The following CD300LB variants were observed in gnomAD, a reference collection of about 807,000 sequenced individuals.
CD300LB encodes CMRF35-like molecule 7.
CD300LB carries 18 observed loss-of-function variants against 20.8 expected under a neutral mutation model. That is an observed-to-expected ratio of 0.87 (90% CI 0.60 to 1.28). The LOEUF (loss-of-function observed/expected upper bound fraction) is 1.28. Ranked by LOEUF, CD300LB falls within the 50% of genes most tolerant of loss-of-function variation. The pLI is 0.00. For missense variants in CD300LB, 222 were observed against 251.8 expected (o/e 0.88, Z 0.80); for synonymous variants, 91 against 91.3 (o/e 1.00, Z 0.02).
rs572423985 is a variant in CD300LB at position 74,521,925 on chromosome 17, C to A, written c.*813G>T. The A allele has an allele frequency of 6.1e-6, 6 of 985,452 alleles. No individual in the cohort carries two copies. Among genetic ancestry groups the A allele is most frequent in the African/African-American group, 1.7e-5 (1 of 57,366 alleles). The allele number at this position is 985,452 out of a possible 1,614,324, so 61.0% of individuals were successfully genotyped here. On this transcript the variant is annotated 3_prime_UTR_variant, in exon 4 of 4. Coordinates refer to ENST00000392621, the MANE Select transcript of CD300LB (RefSeq NM_174892.4). Reference sequence around the variant, plus strand: ...CGAAAAGGGAGGGTGCCATTTCCTGCGATGGTTTTCGTTACTGCCCTCCCC... The same window carrying A: ...CGAAAAGGGAGGGTGCCATTTCCTGAGATGGTTTTCGTTACTGCCCTCCCC...
At position 74,525,967 on chromosome 17, in the gene CD300LB, G is replaced by A. The variant is rs139180365; in HGVS notation, c.151C>T (p.Arg51Ter). Residue 51 changes from arginine to a stop codon, truncating the protein, a stop_gained, in exon 2 of 4, where the codon CGA (arginine) becomes TGA (stop). Transcript: ENST00000392621. LOFTEE classifies it high-confidence loss of function. ...TTGCATGTATCCCAGCGCACCCCTC[G>A]GCACCACCACTTAATGTAGGTCTCC... ...GWETYIKWWC[R>*]GVRWDTCKIL... 2.4e-4 allele frequency: 383 copies of A among 1,613,890 alleles called. No individual in the cohort carries two copies. Among genetic ancestry groups the A allele is most frequent in the Non-Finnish European group, 3.0e-4 (356 of 1,180,012 alleles).
Position 74,522,989 on chromosome 17 carries a change from C to A in CD300LB, c.444-89G>T, listed in dbSNP as rs1168794855. ...TGACCCTGTGAGCCACCAGCCAAAG[C>A]CTGTGACCCTGGGCCGGGCAGCCCC... On this transcript the variant is annotated intron_variant, in intron 3 of 3. Coordinates refer to ENST00000392621, the MANE Select transcript of CD300LB (RefSeq NM_174892.4). 6 of 1,308,106 alleles carry A rather than the reference C, an allele frequency of 4.6e-6. No homozygotes were observed. In the African/African-American group the frequency reaches 8.9e-5, roughly 19 times the overall value. The allele number at this position is 1,308,106 out of a possible 1,614,324, so 81.0% of individuals were successfully genotyped here. A position where few individuals can be genotyped will look rare whatever the true frequency, so the allele number is the denominator to read the frequency against.
rs377765057 is a variant in CD300LB at position 74,531,269 on chromosome 17, G to T, written c.40+42C>A. ...ACAAATGCCCTCTGCCTCCTGCCCT[G>T]CCCCTGTCATACCAAGCGCCCAAGG... is the stretch of plus-strand genomic sequence containing the variant. On this transcript the variant is annotated intron_variant, in intron 1 of 3. Transcript: ENST00000392621. The T allele has an allele frequency of 5.0e-5, 75 of 1,504,292 alleles. 1 individual carries two copies. In the East Asian group the frequency reaches 1.2e-3, roughly 25 times the overall value. 93.2% of individuals were successfully genotyped at this position (1,504,292 alleles called of 1,614,324 possible). A position where few individuals can be genotyped will look rare whatever the true frequency, so the allele number is the denominator to read the frequency against.
At position 74,522,907 on chromosome 17, in the gene CD300LB, A is replaced by G; in HGVS notation, c.444-7T>C. On this transcript the variant is annotated splice_polypyrimidine_tract_variant and splice_region_variant and intron_variant, in intron 3 of 3. Coordinates refer to ENST00000392621, the MANE Select transcript of CD300LB (RefSeq NM_174892.4). ...CAGGAGCATGTAGTGGTTCCTGGGG[A>G]AGGGGATGCAGTGGTCAGAGCCCTG... 1 of 1,612,786 alleles carries G rather than the reference A, an allele frequency of 6.2e-7. No individual in the cohort carries two copies. The highest frequency in any genetic ancestry group is 1.1e-5 in the South Asian group (1 of 90,998).
In CD300LB at chr17:74,522,624, C is replaced by T. The variant is rs912695784; in HGVS notation, c.*114G>A. 2.0e-6 allele frequency: 3 copies of T among 1,533,284 alleles called. No individual in the cohort carries two copies. Among genetic ancestry groups the T allele is most frequent in the Non-Finnish European group, 2.6e-6 (3 of 1,142,044 alleles). The allele number at this position is 1,533,284 out of a possible 1,614,324, so 95.0% of individuals were successfully genotyped here. A position where few individuals can be genotyped will look rare whatever the true frequency, so the allele number is the denominator to read the frequency against. On this transcript the variant is annotated 3_prime_UTR_variant, in exon 4 of 4. Coordinates refer to ENST00000392621, the MANE Select transcript of CD300LB (RefSeq NM_174892.4). ...ACCAGCTCCAAGGCCAGGGCGGAGG[C>T]CCAGGGCCCCTATCTCAGTCACTGC...
In CD300LB at chr17:74,521,626, A is replaced by T; in HGVS notation, c.*1112T>A. The T allele has an allele frequency of 1.0e-6, 1 of 985,436 alleles. No homozygotes were observed. The highest frequency in any genetic ancestry group is 1.7e-5 in the African/African-American group (1 of 57,352). The allele number at this position is 985,436 out of a possible 1,614,324, so 61.0% of individuals were successfully genotyped here. ...CCCCTCTCCTTTATCCACTGCTGAC[A>T]GTCAGTACTCCCTATTAGAACCAAG... On this transcript the variant is annotated 3_prime_UTR_variant, in exon 4 of 4. Transcript: ENST00000392621.
chr17:74,526,198 G>A lies in CD300LB; in HGVS notation c.41-121C>T, dbSNP rs1567999654. ...CTGGAAAACAAAATCCCAAGATACA[G>A]CTCCTGTTGCCTGAGCCAGTTTGGT... On this transcript the variant is annotated intron_variant, in intron 1 of 3. Transcript: ENST00000392621. 38 of 1,384,428 alleles carry A rather than the reference G, an allele frequency of 2.7e-5. 1 individual carries two copies. The highest frequency in any genetic ancestry group is 3.7e-5 in the Non-Finnish European group (37 of 1,013,018). The allele number at this position is 1,384,428 out of a possible 1,614,324, so 85.8% of individuals were successfully genotyped here.
intron 1 of CD300LB, among the ~76,000 whole-genome samples, chr17:74,530,896 T>C (rs1908191101): frequency 6.6e-6 from 1 of 152,032 alleles, no homozygotes; most frequent in South Asian, 2.1e-4. Flanking sequence ...ATTGAATACC[T>C]GAGCTCAAAG....
intron 2 of CD300LB, among the ~76,000 whole-genome samples, chr17:74,524,999 C>T (rs752911614): frequency 5.9e-5 from 9 of 152,314 alleles, no homozygotes; most frequent in South Asian, 2.1e-4. Flanking sequence ...CTAAAGCCGG[C>T]ATTGTCTATT....
Position 74,531,316 on chromosome 17 carries a change from A to G in CD300LB, c.35T>C (p.Leu12Pro). 1 of 1,587,724 alleles carries G rather than the reference A, an allele frequency of 6.3e-7. No individual in the cohort carries two copies. The highest frequency in any genetic ancestry group is 8.6e-7 in the Non-Finnish European group (1 of 1,167,152). Residue 12 changes from leucine (L) to proline (P), a missense_variant, in exon 1 of 4, where the codon CTC (leucine) becomes CCC (proline). Coordinates refer to ENST00000392621, the MANE Select transcript of CD300LB (RefSeq NM_174892.4). ...WLPPALLLLS[L>P]SGCFSIQGPE... ...AAGGCCCCAGCCCCACTCACCTGAG[A>G]GGCTGAGAAGGAGCAGAGCAGGGGG...
chr17:74,523,576 C>T lies in CD300LB; in HGVS notation c.443+3G>A. 1.9e-6 allele frequency: 3 copies of T among 1,605,508 alleles called. No homozygotes were observed. The highest frequency in any genetic ancestry group is 2.6e-6 in the Non-Finnish European group (3 of 1,172,122). On this transcript the variant is annotated splice_donor_region_variant and intron_variant, in intron 3 of 3. Coordinates refer to ENST00000392621, the MANE Select transcript of CD300LB (RefSeq NM_174892.4). ...GGGCAGGAGAAAGAACCACATGACT[C>T]ACCTCTTGTGGGAGCCGATGAACAC...
Position 74,526,020 on chromosome 17 carries a change from G to A in CD300LB, c.98C>T (p.Thr33Met), listed in dbSNP as rs147451231. 493 of 1,614,140 alleles carry A rather than the reference G, an allele frequency of 3.1e-4. 1 individual carries two copies. The highest frequency in any genetic ancestry group is 1.3e-3 in the South Asian group (119 of 91,072). The change falls in exon 2 of 4, where the codon ACG becomes ATG. Residue 33 changes from threonine (T) to methionine (M), a missense_variant. Coordinates refer to ENST00000392621, the MANE Select transcript of CD300LB (RefSeq NM_174892.4). ...SVRAPEQGSL[T>M]VQCHYKQGWE... is the part of the protein sequence containing the mutation. ...TCCTTGCTTATAGTGGCATTGAACC[G>A]TCAGGGACCCCTGCTCTGGGGCTCT...
At position 74,522,525 on chromosome 17, in the gene CD300LB, C is replaced by A. The variant is rs1907912463; in HGVS notation, c.*213G>T. 1.5e-6 allele frequency: 2 copies of A among 1,340,548 alleles called. No individual in the cohort carries two copies. Among genetic ancestry groups the A allele is most frequent in the Non-Finnish European group, 1.9e-6 (2 of 1,041,888 alleles). The allele number at this position is 1,340,548 out of a possible 1,614,324, so 83.0% of individuals were successfully genotyped here. A position where few individuals can be genotyped will look rare whatever the true frequency, so the allele number is the denominator to read the frequency against. ...TCCTGACCAAGAGAACAGGTGCTGG[C>A]ACCCCAGGAGGTGATGGTGGCTCAG... On this transcript the variant is annotated 3_prime_UTR_variant, in exon 4 of 4. Transcript: ENST00000392621.
At chr17:74,525,688 G>A in intron 2 of CD300LB, 60 bp downstream of exon 2, 1 of 1,449,458 alleles carries the variant, frequency 6.9e-7, no homozygotes, top group African/African-American at 1.4e-5. Flanking sequence ...GCAGGTAAGA[G>A]CACTGACTTT....
At chr17:74,529,716 G>T (rs1205141670) in intron 1 of CD300LB, among the ~76,000 whole-genome samples, 1 of 152,074 alleles carries the variant, frequency 6.6e-6, no homozygotes, top group Non-Finnish European at 1.5e-5. Flanking sequence ...CTCGAACCTG[G>T]GAGGCGGAGG....
chr17:74,522,237 C>T lies in CD300LB; in HGVS notation c.*501G>A, dbSNP rs1026754089. 2.9e-5 allele frequency: 29 copies of T among 986,244 alleles called. No homozygotes were observed. The highest frequency in any genetic ancestry group is 3.4e-5 in the Non-Finnish European group (28 of 830,482). 61.1% of individuals were successfully genotyped at this position (986,244 alleles called of 1,614,324 possible). A position where few individuals can be genotyped will look rare whatever the true frequency, so the allele number is the denominator to read the frequency against. On this transcript the variant is annotated 3_prime_UTR_variant, in exon 4 of 4. Coordinates refer to ENST00000392621, the MANE Select transcript of CD300LB (RefSeq NM_174892.4). ...ACCAGGAACTCATCCCAGAATCACC[C>T]TCCTTGTGTGTGGGATCAGAGAGGT...
chr17:74,526,006 A>G lies in CD300LB; in HGVS notation c.112T>C (p.Tyr38His). The G allele has an allele frequency of 6.2e-7, 1 of 1,614,098 alleles. No homozygotes were observed. The highest frequency in any genetic ancestry group is 8.5e-7 in the Non-Finnish European group (1 of 1,180,024). Residue 38 changes from tyrosine (Y) to histidine (H), a missense_variant, in exon 2 of 4, where the codon TAT becomes CAT. Tyr to His is a moderately conservative substitution (Grantham distance 83). Transcript: ENST00000392621. Reference protein sequence around the residue: ...EQGSLTVQCHYKQGWETYIKW... With the variant: ...EQGSLTVQCHHKQGWETYIKW... Reference sequence around the variant, plus strand: ...ATGTAGGTCTCCCATCCTTGCTTATAGTGGCATTGAACCGTCAGGGACCCC... The same window carrying G: ...ATGTAGGTCTCCCATCCTTGCTTATGGTGGCATTGAACCGTCAGGGACCCC...
chr17:74,525,042 A>G (rs1462537601), intron 2 of CD300LB, among the ~76,000 whole-genome samples: 1 of 152,134 alleles, frequency 6.6e-6, no homozygotes, highest in Non-Finnish European at 1.5e-5. Context: ...CCGAGTGGAC[A>G]CTGAGCTGAT....
At chr17:74,525,194 C>G (rs1418025673) in intron 2 of CD300LB, among the ~76,000 whole-genome samples, 1 of 152,136 alleles carries the variant, frequency 6.6e-6, no homozygotes, top group East Asian at 1.9e-4. Context: ...AGAGTGGTCC[C>G]TGACGTTGCC....
Sources: gnomAD v4.1 joint callset for allele counts (sites outside exome capture counted in the v4.1 genomes callset) on GRCh38, gnomAD v4.1.1 for gene constraint, MANE v1.5 for transcripts, NCBI Gene and HGNC (gene_info 2026-07-23, HGNC 2026-07-21) for gene names.